The following SPRYD7 variants were observed in gnomAD, a reference collection of about 807,000 sequenced individuals.
The protein encoded by SPRYD7 is SPRY domain-containing protein 7.
A neutral mutation model predicts 23.8 loss-of-function variants in SPRYD7; 14 were observed. The observed-to-expected ratio is 0.59, with a 90% CI of 0.39 to 0.92. The LOEUF (loss-of-function observed/expected upper bound fraction) is 0.92. Ranked by LOEUF, SPRYD7 falls within the 40% of genes least tolerant of loss-of-function variation. The pLI is 0.00. For missense variants in SPRYD7, 194 were observed against 241.7 expected, an observed-to-expected ratio of 0.80 and a Z score of 1.31; for synonymous variants, 75 against 84.9, an observed-to-expected ratio of 0.88 and a Z score of 0.64.
intron 3 of SPRYD7, among the ~76,000 whole-genome samples, chr13:49,922,801 A>C (rs1453972767): frequency 8.5e-6 from 1 of 117,034 alleles, no homozygotes; most frequent in East Asian, 2.3e-4. Context: ...TATCAAGTTA[A>C]AAGCTTTTTA....
At chr13:49,924,356 G>A (rs946769531) in intron 3 of SPRYD7, among the ~76,000 whole-genome samples, 4 of 151,946 alleles carry the variant, frequency 2.6e-5, no homozygotes, top group Non-Finnish European at 4.4e-5. Flanking sequence ...GCTCACTGCC[G>A]CCTTTATCTC....
chr13:49,934,063 A>G (rs1322408727), intron 1 of SPRYD7, among the ~76,000 whole-genome samples: 2 of 151,970 alleles, frequency 1.3e-5, no homozygotes, highest in African/African-American at 2.4e-5. Context: ...AAAAAAAAAA[A>G]GCAATCACAT....
At position 49,920,853 on chromosome 13, in the gene SPRYD7, C is replaced by T. The variant is rs533830128; in HGVS notation, c.493+625G>A. 6.6e-5 allele frequency among the ~76,000 whole-genome samples: 10 copies of T among 151,954 alleles called. No individual in the cohort carries two copies. In the South Asian group the frequency reaches 8.3e-4, roughly 13 times the overall value. On this transcript the variant is annotated intron_variant, in intron 4 of 4. Transcript: ENST00000361840. ...GCAGGCACCTGTAATCCCAGTTACT[C>T]GGGAGGCTGAGGCAGGAGAATCGCT...
intron 1 of SPRYD7, among the ~76,000 whole-genome samples, chr13:49,932,366 C>A: frequency 6.6e-6 from 1 of 152,298 alleles, no homozygotes; most frequent in Non-Finnish European, 1.5e-5. Flanking sequence ...TTTTAACATT[C>A]TTACATGCAC....
intron 3 of SPRYD7, 44 bp from the exon 4 acceptor site, chr13:49,921,624 C>A (rs1466260522): frequency 1.6e-6 from 2 of 1,231,012 alleles, no homozygotes; most frequent in African/African-American, 3.0e-5. Flanking sequence ...GCTGAGCCGT[C>A]AGAAAGCATT....
At position 49,931,027 on chromosome 13, in the gene SPRYD7, G is replaced by T; in HGVS notation, c.214C>A (p.Gln72Lys). ...GTACCATTATACCAACCTGTGGACT[G>T]GATTTTGAATTCAAAATAGCTTTTG... ...QNKSYFEFKI[Q>K]STGIWGIGVA... Residue 72 changes from glutamine (Q) to lysine (K), a missense_variant, in exon 2 of 5, where the codon CAG becomes AAG. Transcript: ENST00000361840. 6.2e-7 allele frequency: 1 copy of T among 1,606,636 alleles called. No individual in the cohort carries two copies. The highest frequency in any genetic ancestry group is 1.1e-5 in the South Asian group (1 of 90,608).
chr13:49,927,493 GA>G (rs1185971099), intron 3 of SPRYD7, among the ~76,000 whole-genome samples: 70 of 121,196 alleles, frequency 5.8e-4, no homozygotes, highest in Non-Finnish European at 6.1e-4. Flanking sequence ...GAGACTCTAA[GA>G]AAAAAAAAAA....
intron 2 of SPRYD7, 101 bp downstream of exon 2, chr13:49,930,917 G>A: frequency 4.5e-6 from 3 of 665,556 alleles, no homozygotes; most frequent in Non-Finnish European, 7.5e-6. Flanking sequence ...TAAGAGTTTG[G>A]TGCTTTTATA....
rs1955726495 is a variant in SPRYD7 at position 49,914,170 on chromosome 13, C to A, written c.*893G>T. On this transcript the variant is annotated 3_prime_UTR_variant, in exon 5 of 5. Transcript: ENST00000361840. ...TAAGAACCAGGCAAAGACTCAGGGTCATGAAGAGGATTCACTTATCTCTGA... is the reference window on the plus strand; with the variant it reads ...TAAGAACCAGGCAAAGACTCAGGGTAATGAAGAGGATTCACTTATCTCTGA... 1 of 153,724 alleles carries A rather than the reference C, an allele frequency of 6.5e-6. No individual in the cohort carries two copies. The highest frequency in any genetic ancestry group is 1.5e-5 in the Non-Finnish European group (1 of 68,040). 9.5% of individuals were successfully genotyped at this position (153,724 alleles called of 1,614,324 possible).
chr13:49,922,969 T>C (rs910479561), intron 3 of SPRYD7, among the ~76,000 whole-genome samples: 3 of 152,316 alleles, frequency 2.0e-5, no homozygotes, highest in Non-Finnish European at 4.4e-5. Context: ...TATTAATAAT[T>C]AAGGAATACT....
intron 4 of SPRYD7, among the ~76,000 whole-genome samples, chr13:49,917,032 C>T (rs1018065740): frequency 2.6e-5 from 4 of 152,106 alleles, no homozygotes; most frequent in African/African-American, 9.7e-5. Context: ...TAGACATGCA[C>T]AAAGAATTGC....
chr13:49,915,773 C>T (rs933328049), intron 4 of SPRYD7, among the ~76,000 whole-genome samples: 3 of 152,108 alleles, frequency 2.0e-5, no homozygotes, highest in Admixed American at 2.0e-4. Context: ...TTGTAATAGT[C>T]CCACACTGGA....
chr13:49,927,782 G>A, intron 3 of SPRYD7, 137 bp downstream of exon 3: 1 of 869,512 alleles, frequency 1.2e-6, no homozygotes, highest in Non-Finnish European at 1.8e-6. Flanking sequence ...TGCTCTCCTG[G>A]AAAATGCACC....
At chr13:49,916,060 G>A (rs371720038) in intron 4 of SPRYD7, among the ~76,000 whole-genome samples, 153 of 152,268 alleles carry the variant, frequency 1.0e-3, no homozygotes, top group African/African-American at 3.3e-3. Flanking sequence ...GTGGTGAGTA[G>A]GATATAAGAG....
chr13:49,927,059 TA>T (rs566490687), intron 3 of SPRYD7, among the ~76,000 whole-genome samples: 57 of 148,930 alleles, frequency 3.8e-4, no homozygotes, highest in African/African-American at 1.2e-3. Context: ...CTCTGCTTTC[TA>T]AAAAAAAAAC....
intron 4 of SPRYD7, among the ~76,000 whole-genome samples, chr13:49,919,726 C>CAA (rs1303310878): frequency 4.0e-4 from 29 of 73,062 alleles, no homozygotes; most frequent in Non-Finnish European, 5.0e-4. Flanking sequence ...GACTCTGTCT[C>CAA]AAAAAAAAAA....
intron 2 of SPRYD7, among the ~76,000 whole-genome samples, chr13:49,928,973 C>A (rs1470694110): frequency 6.6e-6 from 1 of 152,002 alleles, no homozygotes; most frequent in Non-Finnish European, 1.5e-5. Flanking sequence ...TTTTCTTACC[C>A]AGTATTTTAA....
intron 4 of SPRYD7, among the ~76,000 whole-genome samples, chr13:49,918,403 C>CTTTTTTTTT (rs11436488): frequency 7.0e-6 from 1 of 143,034 alleles, no homozygotes; most frequent in African/African-American, 2.6e-5. Flanking sequence ...TAAATTAGTT[C>CTTTTTTTTT]TTTTTTTTTT....
chr13:49,926,569 GA>G (rs1205364776), intron 3 of SPRYD7, among the ~76,000 whole-genome samples: 1 of 151,072 alleles, frequency 6.6e-6, no homozygotes, highest in Non-Finnish European at 1.5e-5. Flanking sequence ...GTCAATTCTG[GA>G]AAAAAAACTT....
Sources: gnomAD v4.1 joint callset for allele counts (sites outside exome capture counted in the v4.1 genomes callset) on GRCh38, gnomAD v4.1.1 for gene constraint, MANE v1.5 for transcripts, NCBI Gene and HGNC (gene_info 2026-07-23, HGNC 2026-07-21) for gene names.